CLEC16A: variants seen among roughly 807,000 people sequenced by gnomAD.
The protein encoded by CLEC16A is C-type lectin domain containing 16A, also known as protein CLEC16A.
In CLEC16A, 51 loss-of-function variants were observed where a neutral mutation model predicts 109.5. That is an observed-to-expected ratio of 0.47 (90% confidence interval 0.37 to 0.59). CLEC16A has a LOEUF of 0.59. CLEC16A is among the 20% of genes least tolerant of loss of function. The pLI is 0.00. For synonymous variants in CLEC16A, 673 were observed against 564.2 expected, an observed-to-expected ratio of 1.19 and a Z score of -2.73; for missense variants, 1,339 against 1,394.0, an observed-to-expected ratio of 0.96 and a Z score of 0.63.
At chr16:11,027,565 G>A (rs1267220003) in intron 13 of CLEC16A, 4 of 1,555,942 alleles carry the variant, frequency 2.6e-6, no homozygotes, top group Non-Finnish European at 3.5e-6. Context: ...GGGAAGTTTG[G>A]CATCATTTGC....
intron 13 of CLEC16A, 133 bp downstream of exon 13, chr16:11,025,054 T>C (rs2046332869): frequency 1.5e-6 from 1 of 681,662 alleles, no homozygotes; most frequent in Middle Eastern, 2.6e-4. Context: ...GTGGTCCTTT[T>C]TGGTTTTGAC....
intron 19 of CLEC16A, among the ~76,000 whole-genome samples, chr16:11,108,512 A>G (rs1597405943): frequency 6.6e-6 from 1 of 152,250 alleles, no homozygotes; most frequent in Non-Finnish European, 1.5e-5. Context: ...CTCTGCAGCT[A>G]GCCCAGGTAG....
chr16:11,168,419 C>T (rs1039733378), intron 23 of CLEC16A, among the ~76,000 whole-genome samples: 2 of 152,234 alleles, frequency 1.3e-5, no homozygotes, highest in Non-Finnish European at 1.5e-5. Flanking sequence ...CCATTTGGTG[C>T]GTCCCCAGCA....
At chr16:11,113,865 T>C (rs7203150) in intron 19 of CLEC16A, among the ~76,000 whole-genome samples, 75,130 of 151,972 alleles carry the variant, frequency 0.49, 19,513 homozygotes, top group African/African-American at 0.67. Flanking sequence ...TTCACAGTCT[T>C]TTAGCCCACG....
chr16:11,120,908 C>A, intron 20 of CLEC16A, 142 bp downstream of exon 20: 1 of 936,740 alleles, frequency 1.1e-6, no homozygotes, highest in Non-Finnish European at 1.4e-6. Context: ...AACAAATTGT[C>A]ACCCAAAAAA....
At chr16:11,112,441 C>T (rs1207809760) in intron 19 of CLEC16A, among the ~76,000 whole-genome samples, 1 of 137,366 alleles carries the variant, frequency 7.3e-6, no homozygotes, top group African/African-American at 2.8e-5. Context: ...AGGAGGACCA[C>T]TTGATCCAGG....
Position 11,123,771 on chromosome 16 carries a change from C to T in CLEC16A, c.2298C>T (p.Asp766=), listed in dbSNP as rs779726876. The T allele has an allele frequency of 3.1e-6, 5 of 1,613,950 alleles. No individual in the cohort carries two copies. The African/African-American group carries it at 5.3e-5, about 17-fold the overall frequency. ...TGCAGGTGACTGGCGTGGAGGACGACAGCCGTGCCCTGAACATCACCATCC... is the reference window on the plus strand; with the variant it reads ...TGCAGGTGACTGGCGTGGAGGACGATAGCCGTGCCCTGAACATCACCATCC... ...QDMQVTGVED[D]SRALNITIHK... The change falls in exon 21 of 24, where the codon GAC becomes GAT. Residue 766 remains aspartate (D), a synonymous_variant. Transcript: ENST00000409790.
rs1263023429 is a variant in CLEC16A at position 10,977,546 on chromosome 16, CT to C, written c.903+148del. ...TTTGTTTTTAAAAGACGGAGTTTTG[CT>C]CTTTTACCCAGGCTGGAGTGCAGTG... On this transcript the variant is annotated intron_variant, in intron 8 of 23. Coordinates refer to ENST00000409790, the MANE Select transcript of CLEC16A (RefSeq NM_015226.3). 8 of 796,558 alleles carry C rather than the reference CT, an allele frequency of 1.0e-5. No homozygotes were observed. In the Admixed American group the frequency reaches 2.4e-4, roughly 24 times the overall value. 49.3% of individuals were successfully genotyped at this position (796,558 alleles called of 1,614,324 possible).
intron 19 of CLEC16A, among the ~76,000 whole-genome samples, chr16:11,061,381 T>G (rs1597248262): frequency 6.6e-6 from 1 of 152,338 alleles, no homozygotes; most frequent in South Asian, 2.1e-4. Flanking sequence ...TCTATATGAT[T>G]CTAATGATAA....
intron 19 of CLEC16A, among the ~76,000 whole-genome samples, chr16:11,062,963 G>A (rs183208214): frequency 2.0e-5 from 3 of 152,216 alleles, no homozygotes; most frequent in Admixed American, 2.0e-4. Context: ...CCGTGAAATG[G>A]AATTAAATTT....
intron 23 of CLEC16A, among the ~76,000 whole-genome samples, chr16:11,170,044 A>T (rs2068439425): frequency 6.6e-6 from 1 of 152,198 alleles, no homozygotes; most frequent in African/African-American, 2.4e-5. Flanking sequence ...CAGGATCTGA[A>T]GCCTAGCCTT....
At chr16:10,996,198 A>G (rs1291144091) in intron 10 of CLEC16A, among the ~76,000 whole-genome samples, 1 of 152,202 alleles carries the variant, frequency 6.6e-6, no homozygotes, top group Non-Finnish European at 1.5e-5. Flanking sequence ...CATTGAGTCA[A>G]GGTATCTGAT....
intron 17 of CLEC16A, among the ~76,000 whole-genome samples, chr16:11,050,201 C>G (rs1018648120): frequency 2.0e-5 from 3 of 152,228 alleles, no homozygotes; most frequent in Non-Finnish European, 4.4e-5. Flanking sequence ...CAAAGTCACT[C>G]TCACCATCAT....
At position 10,979,338 on chromosome 16, in the gene CLEC16A, C is replaced by T. The variant is rs74163607; in HGVS notation, c.913C>T (p.Arg305Trp). 3.3e-4 allele frequency: 528 copies of T among 1,612,354 alleles called. 1 individual carries two copies. Among genetic ancestry groups the T allele is most frequent in the Admixed American group, 4.2e-4 (25 of 59,872 alleles). Residue 305 changes from arginine (R) to tryptophan (W), a missense_variant, in exon 9 of 24, where the codon CGG becomes TGG. Arg to Trp is a moderately radical substitution (Grantham distance 101). This residue lies in a region of CLEC16A where 161 missense variants were observed against 267.1 expected (regional missense o/e 0.60). Coordinates refer to ENST00000409790, the MANE Select transcript of CLEC16A (RefSeq NM_015226.3). ...TGCCACCCTGCACTAGGGAGGAGAACGGCCGAAAATTAGCCTGCCGGTGTC... is the reference window on the plus strand; with the variant it reads ...TGCCACCCTGCACTAGGGAGGAGAATGGCCGAAAATTAGCCTGCCGGTGTC... ...SLENQDKGGE[R>W]PKISLPVSLY... is the part of the protein sequence containing the mutation.
chr16:11,070,659 C>G (rs1368646906), intron 19 of CLEC16A: 1 of 152,172 alleles, frequency 6.6e-6, no homozygotes, highest in Non-Finnish European at 1.5e-5. Flanking sequence ...AAGTGGGCTC[C>G]CATGCCAGTC....
At chr16:11,027,411 A>T (rs2046471639) in intron 13 of CLEC16A, 1 of 1,451,288 alleles carries the variant, frequency 6.9e-7, no homozygotes, top group African/African-American at 1.4e-5. Flanking sequence ...GAATCTACAA[A>T]TGCTGCGTAT....
chr16:11,006,167 G>A lies in CLEC16A; in HGVS notation c.1303+2862G>A, dbSNP rs139246974. ...CTTCTCCTTCCCAGTGGCTGCCACT[G>A]AAGTCCTGGGGCCAATGCTTGTGGG... On this transcript the variant is annotated intron_variant, in intron 11 of 23. Transcript: ENST00000409790. Among the ~76,000 whole-genome samples, 1,134 of 152,220 alleles carry A rather than the reference G, an allele frequency of 7.4e-3. 6 individuals are homozygous for A. The highest frequency in any genetic ancestry group is 0.025 in the African/African-American group (1,041 of 41,530).
chr16:11,120,933 C>T (rs1239793952), intron 20 of CLEC16A, among the ~76,000 whole-genome samples, 167 bp downstream of exon 20: 1 of 152,110 alleles, frequency 6.6e-6, no homozygotes, highest in Non-Finnish European at 1.5e-5. Context: ...TAAAATACCA[C>T]ATAAATGCAC....
At chr16:11,113,918 T>C (rs1284866806) in intron 19 of CLEC16A, among the ~76,000 whole-genome samples, 1 of 152,228 alleles carries the variant, frequency 6.6e-6, no homozygotes, top group Non-Finnish European at 1.5e-5. Context: ...TGCTAGGTCA[T>C]AGAATGTGAA....
Sources: allele counts gnomAD v4.1 joint callset (sites outside exome capture counted in the v4.1 genomes callset), GRCh38; gene constraint gnomAD v4.1.1; regional missense constraint gnomAD v4.1.1; transcripts MANE v1.5; gene names NCBI Gene and HGNC (gene_info 2026-07-23, HGNC 2026-07-21).